The following DNM3 variants were observed in gnomAD, a reference collection of about 807,000 sequenced individuals.
DNM3 encodes dynamin-3.
In DNM3, 47 loss-of-function variants were observed where a neutral mutation model predicts 101.6. The ratio of observed to expected loss-of-function variants is 0.46; its 90% CI spans 0.37 to 0.59. The LOEUF (loss-of-function observed/expected upper bound fraction) is 0.59. Among genes scored for constraint, DNM3 ranks in the 20% least tolerant of loss-of-function variants. DNM3 has a pLI of 0.00. For missense variants in DNM3, 849 were observed against 1,085.7 expected (o/e 0.78, Z 3.06); for synonymous variants, 385 against 387.9 (o/e 0.99, Z 0.09).
chr1:171,954,193 C>T (rs932290563), intron 2 of DNM3, among the ~76,000 whole-genome samples: 1 of 152,112 alleles, frequency 6.6e-6, no homozygotes, highest in Non-Finnish European at 1.5e-5. Context: ...TGCACTTTGC[C>T]TGGATCCTCT....
intron 11 of DNM3, among the ~76,000 whole-genome samples, chr1:172,070,928 A>T (rs1197897530): frequency 1.3e-5 from 2 of 150,976 alleles, no homozygotes; most frequent in Non-Finnish European, 2.9e-5. Context: ...TCTCTACAAA[A>T]TATTAAACAA....
At chr1:172,126,721 T>C (rs988634034) in intron 13 of DNM3, among the ~76,000 whole-genome samples, 3 of 151,834 alleles carry the variant, frequency 2.0e-5, no homozygotes, top group African/African-American at 7.3e-5. Flanking sequence ...GTACCTGCTT[T>C]TTTTTTTTGA....
chr1:172,166,475 G>GT (rs1239955104), intron 14 of DNM3, among the ~76,000 whole-genome samples: 2 of 151,982 alleles, frequency 1.3e-5, no homozygotes, highest in Non-Finnish European at 2.9e-5. Flanking sequence ...ATATATACAA[G>GT]TTTTTTGAAT....
At chr1:172,318,423 A>G (rs934540786) in intron 16 of DNM3, among the ~76,000 whole-genome samples, 10 of 152,224 alleles carry the variant, frequency 6.6e-5, no homozygotes, top group East Asian at 1.9e-4. Context: ...AGGGTATTCA[A>G]TTAGGAAAAG....
At chr1:172,310,032 C>T (rs2065014044) in intron 16 of DNM3, 1 of 152,194 alleles carries the variant, frequency 6.6e-6, no homozygotes, top group Admixed American at 6.5e-5. Flanking sequence ...AGATGCTTTC[C>T]TGTCAATAGC....
chr1:172,174,844 A>G (rs1248170817), intron 14 of DNM3, among the ~76,000 whole-genome samples: 1 of 151,756 alleles, frequency 6.6e-6, no homozygotes, highest in Non-Finnish European at 1.5e-5. Context: ...CATTATGAAT[A>G]TTAACAAATA....
intron 4 of DNM3, among the ~76,000 whole-genome samples, chr1:172,006,980 GTTTTCA>G (rs2046736903): frequency 6.6e-6 from 1 of 152,030 alleles, no homozygotes; most frequent in African/African-American, 2.4e-5. Context: ...GCTGCTGCAT[GTTTTCA>G]GTAGTTCATT....
intron 16 of DNM3, 148 bp from the exon 17 acceptor site, chr1:172,323,181 T>G: frequency 1.3e-6 from 1 of 796,626 alleles, no homozygotes; most frequent in Admixed American, 2.8e-5. Flanking sequence ...AATAGTTAAA[T>G]CATTTGTTTT....
intron 10 of DNM3, among the ~76,000 whole-genome samples, chr1:172,055,317 T>C (rs2050515396): frequency 6.6e-6 from 1 of 152,090 alleles, no homozygotes; most frequent in African/African-American, 2.4e-5. Context: ...TCTGCATGGA[T>C]CAAACCATTG....
intron 10 of DNM3, among the ~76,000 whole-genome samples, chr1:172,062,871 G>A (rs1485450538): frequency 6.6e-6 from 1 of 152,162 alleles, no homozygotes; most frequent in African/African-American, 2.4e-5. Context: ...CATAGCAAAT[G>A]TGTTGTGCGC....
chr1:172,026,847 G>A (rs796104214), intron 4 of DNM3, among the ~76,000 whole-genome samples: 5 of 152,100 alleles, frequency 3.3e-5, no homozygotes, highest in African/African-American at 1.2e-4. Flanking sequence ...TAGAGACAGG[G>A]TTTCACCATG....
intron 1 of DNM3, among the ~76,000 whole-genome samples, chr1:171,918,395 C>T (rs1349530156): frequency 6.6e-6 from 1 of 152,158 alleles, no homozygotes; most frequent in Non-Finnish European, 1.5e-5. Flanking sequence ...TTCTGTGTTT[C>T]TCATTCGAGG....
chr1:172,179,273 T>C (rs1331930826), intron 14 of DNM3, among the ~76,000 whole-genome samples: 1 of 151,958 alleles, frequency 6.6e-6, no homozygotes, highest in African/African-American at 2.4e-5. Context: ...TTCTGAGTAG[T>C]GTTATTGCAT....
rs749644835 is a variant in DNM3, at chr1:171,953,420, C to CT, written c.235+31618dup. Among the ~76,000 whole-genome samples, 479 of 128,968 alleles carry CT rather than the reference C, an allele frequency of 3.7e-3. 1 individual carries two copies. Among genetic ancestry groups the CT allele is most frequent in the East Asian group, 0.014 (63 of 4,492 alleles). 84.6% of individuals were successfully genotyped at this position (128,968 alleles called of 152,430 possible). ...CATTTAGCATGCCCCATGCGCAATT[C>CT]TTTTTTTTTTTTTTTTTTTCCTCCC... On this transcript the variant is annotated intron_variant, in intron 2 of 20. Transcript: ENST00000627582.
chr1:172,172,943 T>A lies in DNM3; in HGVS notation c.1659+41655T>A, dbSNP rs1310561707. On this transcript the variant is annotated intron_variant, in intron 14 of 20. Coordinates refer to ENST00000627582, the MANE Select transcript of DNM3 (RefSeq NM_015569.5). ...TTTAACCATTGTTGGCCTTTTAACC[T>A]CTTTTAGTAATTCTATCTATCATTT... Among the ~76,000 whole-genome samples, 6 of 151,892 alleles carry A rather than the reference T, an allele frequency of 4.0e-5. No homozygotes were observed. In the East Asian group the frequency reaches 1.2e-3, roughly 29 times the overall value.
At chr1:171,933,435 A>C (rs1204996940) in intron 2 of DNM3, among the ~76,000 whole-genome samples, 1 of 152,234 alleles carries the variant, frequency 6.6e-6, no homozygotes, top group Non-Finnish European at 1.5e-5. Context: ...CATGGGGCTT[A>C]CATTCTAGGT....
intron 2 of DNM3, among the ~76,000 whole-genome samples, chr1:171,936,868 A>AGG (rs146717557): frequency 1.3e-5 from 2 of 151,168 alleles, no homozygotes; most frequent in African/African-American, 2.4e-5. Context: ...GTAAGCAATG[A>AGG]TGAATCATCA....
chr1:172,106,841 A>ATT (rs1198666260), intron 13 of DNM3, among the ~76,000 whole-genome samples: 1 of 78,022 alleles, frequency 1.3e-5, no homozygotes, highest in African/African-American at 4.8e-5. Flanking sequence ...TTAAGGTAAC[A>ATT]TTATTCTTTT....
At chr1:172,158,275 A>C (rs138018418) in intron 14 of DNM3, among the ~76,000 whole-genome samples, 11 of 152,036 alleles carry the variant, frequency 7.2e-5, no homozygotes, top group African/African-American at 2.7e-4. Context: ...GATAAGGTTG[A>C]TAACTGGGAC....
Sources: allele counts gnomAD v4.1 joint callset (sites outside exome capture counted in the v4.1 genomes callset), GRCh38; gene constraint gnomAD v4.1.1; transcripts MANE v1.5; gene names NCBI Gene and HGNC (gene_info 2026-07-23, HGNC 2026-07-21).